The following SLC30A9 variants were observed in gnomAD, a reference collection of about 807,000 sequenced individuals.
SLC30A9 encodes solute carrier family 30 member 9.
Under a neutral mutation model 87.5 loss-of-function variants are expected in SLC30A9, and 58 were observed. The observed-to-expected ratio is 0.66, with a 90% CI of 0.54 to 0.82. The LOEUF (loss-of-function observed/expected upper bound fraction) is 0.82, where lower values mean the gene tolerates loss of function less well. Among genes scored for constraint, SLC30A9 ranks in the 40% least tolerant of loss-of-function variants. The pLI is 0.00. For synonymous variants in SLC30A9, 234 were observed against 233.0 expected (o/e 1.00, Z -0.04); for missense variants, 557 against 679.1 (o/e 0.82, Z 2.00).
chr4:42,029,263 T>G, intron 6 of SLC30A9: 1 of 467,664 alleles, frequency 2.1e-6, no homozygotes, highest in Non-Finnish European at 4.3e-6. Flanking sequence ...CTTCTGGAAC[T>G]CAGAGAAGAA....
chr4:42,006,603 C>T (rs1289437049), intron 2 of SLC30A9, among the ~76,000 whole-genome samples: 1 of 151,658 alleles, frequency 6.6e-6, no homozygotes, highest in Non-Finnish European at 1.5e-5. Context: ...AGGAGGGTCA[C>T]CTTAGCCTGA....
At chr4:41,992,935 A>G (rs894192739) in intron 1 of SLC30A9, among the ~76,000 whole-genome samples, 2 of 152,048 alleles carry the variant, frequency 1.3e-5, no homozygotes, top group African/African-American at 2.4e-5. Flanking sequence ...TTATGCTTCT[A>G]AAATGCCTGT....
chr4:42,066,413 A>G (rs756086807), intron 12 of SLC30A9, 137 bp from the exon 13 acceptor site: 3 of 498,982 alleles, frequency 6.0e-6, no homozygotes, highest in Non-Finnish European at 1.1e-5. Flanking sequence ...GATAACAACT[A>G]ATTAACATAG....
At chr4:42,043,174 C>T (rs1356119528) in intron 8 of SLC30A9, among the ~76,000 whole-genome samples, 1 of 152,128 alleles carries the variant, frequency 6.6e-6, no homozygotes, top group Non-Finnish European at 1.5e-5. Context: ...CTCTTCTCCT[C>T]CAAAGGATCA....
chr4:42,080,105 G>A (rs559348556), intron 17 of SLC30A9, among the ~76,000 whole-genome samples: 8 of 152,210 alleles, frequency 5.3e-5, no homozygotes, highest in Non-Finnish European at 8.8e-5. Flanking sequence ...AGGGAGAACT[G>A]TTCCTATAGC....
intron 15 of SLC30A9, among the ~76,000 whole-genome samples, chr4:42,071,621 T>A: frequency 6.6e-6 from 1 of 151,334 alleles, no homozygotes; most frequent in South Asian, 2.1e-4. Context: ...TGATCATGTC[T>A]GTGAATAGCC....
At chr4:42,044,430 CA>C (rs1717057543) in intron 8 of SLC30A9, among the ~76,000 whole-genome samples, 1 of 139,850 alleles carries the variant, frequency 7.2e-6, no homozygotes, top group South Asian at 2.3e-4. Flanking sequence ...TAGTCTCTGA[CA>C]AAAAAGATTT....
chr4:41,991,414 C>T (rs889209804), intron 1 of SLC30A9, among the ~76,000 whole-genome samples: 2 of 152,220 alleles, frequency 1.3e-5, no homozygotes, highest in African/African-American at 4.8e-5. Context: ...ATTTTCGTCT[C>T]TCTCAACATT....
intron 2 of SLC30A9, among the ~76,000 whole-genome samples, chr4:42,014,662 A>G (rs1030350343): frequency 1.3e-5 from 2 of 152,210 alleles, no homozygotes; most frequent in African/African-American, 2.4e-5. Context: ...CTAAGTGTCC[A>G]TCAGCAAATG....
intron 10 of SLC30A9, among the ~76,000 whole-genome samples, 170 bp from the exon 11 acceptor site, chr4:42,062,816 T>G (rs1717916988): frequency 6.6e-6 from 1 of 152,192 alleles, no homozygotes; most frequent in African/African-American, 2.4e-5. Flanking sequence ...ATTCTTACAG[T>G]TTTTTCCACT....
intron 8 of SLC30A9, among the ~76,000 whole-genome samples, chr4:42,043,661 G>A (rs936865023): frequency 5.9e-5 from 9 of 152,300 alleles, no homozygotes; most frequent in Middle Eastern, 3.4e-3. Flanking sequence ...GATTATCCAG[G>A]AGAACTTCCC....
At chr4:42,060,007 AC>A (rs1383309211) in intron 9 of SLC30A9, among the ~76,000 whole-genome samples, 183 bp from the exon 10 acceptor site, 1 of 152,008 alleles carries the variant, frequency 6.6e-6, no homozygotes, top group African/African-American at 2.4e-5. Context: ...GGTGTTTTGA[AC>A]CCCTTTGAGT....
chr4:42,057,564 C>A (rs977600157), intron 9 of SLC30A9, among the ~76,000 whole-genome samples: 10 of 152,252 alleles, frequency 6.6e-5, no homozygotes, highest in African/African-American at 1.9e-4. Flanking sequence ...GACCCTAGGC[C>A]CAGCCCACAA....
At chr4:42,054,584 A>G (rs539221044) in intron 9 of SLC30A9, among the ~76,000 whole-genome samples, 7 of 150,360 alleles carry the variant, frequency 4.7e-5, no homozygotes, top group Admixed American at 6.7e-5. Flanking sequence ...TCCGCCTCCC[A>G]GGTTCACACC....
At chr4:42,049,308 G>C in intron 8 of SLC30A9, 69 bp from the exon 9 acceptor site, 1 of 879,054 alleles carries the variant, frequency 1.1e-6, no homozygotes, top group Non-Finnish European at 1.9e-6. Flanking sequence ...ATATACAGCT[G>C]ATTGAGTATG....
chr4:42,061,733 A>G (rs1560555734), intron 10 of SLC30A9, among the ~76,000 whole-genome samples: 1 of 151,414 alleles, frequency 6.6e-6, no homozygotes, highest in Non-Finnish European at 1.5e-5. Context: ...CCCCATCTCT[A>G]CTGACAAAAC....
chr4:42,043,847 C>G (rs1275044979), intron 8 of SLC30A9, among the ~76,000 whole-genome samples: 1 of 152,178 alleles, frequency 6.6e-6, no homozygotes, highest in Non-Finnish European at 1.5e-5. Flanking sequence ...CAAAGGGAAG[C>G]CCACCAGACT....
At chr4:42,025,228 G>T (rs1192756110) in intron 6 of SLC30A9, among the ~76,000 whole-genome samples, 1 of 152,150 alleles carries the variant, frequency 6.6e-6, no homozygotes, top group African/African-American at 2.4e-5. Flanking sequence ...ATATTAAAAG[G>T]TCAGGATGTT....
rs570004436 is a variant in SLC30A9, at chr4:42,053,689, G to A, written c.840+4210G>A. Among the ~76,000 whole-genome samples the A allele has an allele frequency of 3.7e-5, 3 of 82,134 alleles. No individual in the cohort carries two copies. In the Admixed American group the frequency reaches 5.5e-4, roughly 15 times the overall value. 53.9% of individuals were successfully genotyped at this position (82,134 alleles called of 152,430 possible). On this transcript the variant is annotated intron_variant, in intron 9 of 17. Coordinates refer to ENST00000264451, the MANE Select transcript of SLC30A9 (RefSeq NM_006345.4). ...CCAGCCTGGATGACAAGAGTGACTCGGTCTCCAAAAAAAAAAAAAAAAAAA... is the reference window on the plus strand; with the variant it reads ...CCAGCCTGGATGACAAGAGTGACTCAGTCTCCAAAAAAAAAAAAAAAAAAA...
Sources: allele counts gnomAD v4.1 joint callset (sites outside exome capture counted in the v4.1 genomes callset), GRCh38; gene constraint gnomAD v4.1.1; transcripts MANE v1.5; gene names NCBI Gene and HGNC (gene_info 2026-07-23, HGNC 2026-07-21).